SLC45A2: variants seen among roughly 807,000 people sequenced by gnomAD.
SLC45A2 encodes solute carrier family 45 member 2.
Under a neutral mutation model 45.5 loss-of-function variants are expected in SLC45A2, and 36 were observed. The observed-to-expected ratio is 0.79, with a 90% CI of 0.61 to 1.04. The LOEUF is 1.04. Among genes scored for constraint, SLC45A2 ranks in the 50% least tolerant of loss-of-function variants. The pLI is 0.00. For synonymous variants in SLC45A2, 306 were observed against 269.3 expected (o/e 1.14, Z -1.33); for missense variants, 719 against 671.0 (o/e 1.07, Z -0.79).
chr5:33,981,496 C>A (rs1232095058), intron 2 of SLC45A2, among the ~76,000 whole-genome samples: 1 of 152,170 alleles, frequency 6.6e-6, no homozygotes, highest in Admixed American at 6.5e-5. Context: ...TATAAAAATC[C>A]TCTTGGGCCA....
intron 3 of SLC45A2, among the ~76,000 whole-genome samples, chr5:33,961,369 G>A (rs1232502631): frequency 1.3e-5 from 2 of 152,156 alleles, no homozygotes; most frequent in African/African-American, 4.8e-5. Context: ...TCCAAAATGT[G>A]TCTCCAATTT....
intron 2 of SLC45A2, among the ~76,000 whole-genome samples, chr5:33,975,263 GA>G (rs1436604425): frequency 5.9e-5 from 9 of 152,194 alleles, no homozygotes; most frequent in African/African-American, 1.7e-4. Flanking sequence ...TTAAAACCAT[GA>G]ATTATAAACA....
At chr5:33,955,484 T>C (rs1752246404) in intron 3 of SLC45A2, among the ~76,000 whole-genome samples, 1 of 152,188 alleles carries the variant, frequency 6.6e-6, no homozygotes. Context: ...TTTTTATTCA[T>C]TAGAACATTA....
In SLC45A2 at chr5:33,951,592, C is replaced by G; in HGVS notation, c.1118G>C (p.Gly373Ala). ...GGAAAACACGGAGTTGATGCACAAG[C>G]CCCAACATCCAACCTCGACTCCTCT... ...YERGVEVGCW[G>A]LCINSVFSSL... is the part of the protein sequence containing the mutation. The change falls in exon 5 of 7, where the codon GGC (glycine) becomes GCC (alanine). Residue 373 changes from glycine to alanine, a missense_variant. Gly to Ala is a moderately conservative substitution (Grantham distance 60). Transcript: ENST00000296589. The G allele has an allele frequency of 6.2e-7, 1 of 1,614,072 alleles. No individual in the cohort carries two copies. The highest frequency in any genetic ancestry group is 8.5e-7 in the Non-Finnish European group (1 of 1,179,958).
At chr5:33,946,489 T>C in intron 6 of SLC45A2, 1 of 985,630 alleles carries the variant, frequency 1.0e-6, no homozygotes, top group Non-Finnish European at 1.2e-6. Flanking sequence ...CAAATTTTGA[T>C]AAGAAGAGGT....
chr5:33,956,731 T>G (rs749346801), intron 3 of SLC45A2, among the ~76,000 whole-genome samples: 1 of 152,100 alleles, frequency 6.6e-6, no homozygotes, highest in Non-Finnish European at 1.5e-5. Flanking sequence ...TGTTTCCTAA[T>G]CTTAAAAAAT....
chr5:33,977,532 T>C (rs778090545), intron 2 of SLC45A2, among the ~76,000 whole-genome samples: 5 of 152,040 alleles, frequency 3.3e-5, no homozygotes, highest in Non-Finnish European at 5.9e-5. Context: ...TCCTAGAAAA[T>C]GAGTGAGCAT....
At chr5:33,950,968 T>C (rs991703874) in intron 5 of SLC45A2, among the ~76,000 whole-genome samples, 1 of 152,164 alleles carries the variant, frequency 6.6e-6, no homozygotes, top group African/African-American at 2.4e-5. Context: ...ATAAAGACAA[T>C]AGCAGAAATC....
intron 5 of SLC45A2, 168 bp downstream of exon 5, chr5:33,951,386 A>G (rs940951679): frequency 6.3e-5 from 96 of 1,522,482 alleles, no homozygotes; most frequent in Non-Finnish European, 8.1e-5. Context: ...TGATGAAAAA[A>G]GGATGCTTTA....
intron 2 of SLC45A2, among the ~76,000 whole-genome samples, chr5:33,968,609 A>T (rs774162900): frequency 3.3e-5 from 5 of 151,918 alleles, no homozygotes; most frequent in Non-Finnish European, 7.3e-5. Context: ...GAAGAAGTCC[A>T]AATATATAGA....
chr5:33,952,897 T>G (rs1188435927), intron 4 of SLC45A2, among the ~76,000 whole-genome samples: 4 of 103,540 alleles, frequency 3.9e-5, no homozygotes, highest in Non-Finnish European at 7.7e-5. Flanking sequence ...CCTGTGTCCA[T>G]GTGATCTCAT....
chr5:33,956,553 C>T (rs573981479), intron 3 of SLC45A2, among the ~76,000 whole-genome samples: 2 of 152,260 alleles, frequency 1.3e-5, no homozygotes, highest in Admixed American at 1.3e-4. Context: ...AGAAAGTTAG[C>T]CAAAGCTTTA....
intron 2 of SLC45A2, among the ~76,000 whole-genome samples, chr5:33,980,487 A>G (rs1279348640): frequency 6.6e-6 from 1 of 152,234 alleles, no homozygotes; most frequent in Non-Finnish European, 1.5e-5. Context: ...CACCACTTCC[A>G]CATGGCCATT....
chr5:33,982,280 T>G lies in SLC45A2; in HGVS notation c.518A>C (p.His173Pro), dbSNP rs1753100425. ...IKAYLFDVCSHQDKEKGLHYH... is the reference protein window; with the variant it reads ...IKAYLFDVCSPQDKEKGLHYH... ...GTGGAGGCCCTTCTCCTTGTCCTGA[T>G]GGGAGCAGACATCAAATAAGTAGGC... is the stretch of plus-strand genomic sequence containing the variant. Residue 173 changes from histidine to proline, a missense_variant, in exon 2 of 7, where the codon CAT becomes CCT. Physicochemically the swap from His to Pro is moderately conservative, Grantham distance 77. Coordinates refer to ENST00000296589, the MANE Select transcript of SLC45A2 (RefSeq NM_016180.5). The G allele has an allele frequency of 6.2e-7, 1 of 1,613,982 alleles. No individual in the cohort carries two copies. Among genetic ancestry groups the G allele is most frequent in the African/African-American group, 1.3e-5 (1 of 74,900 alleles).
intron 5 of SLC45A2, among the ~76,000 whole-genome samples, chr5:33,950,939 C>T (rs1192337966): frequency 1.3e-5 from 2 of 152,202 alleles, no homozygotes; most frequent in Non-Finnish European, 2.9e-5. Context: ...GGAGTTATAG[C>T]ACAGCCACCT....
intron 2 of SLC45A2, among the ~76,000 whole-genome samples, chr5:33,975,087 T>C (rs1277259638): frequency 1.3e-5 from 2 of 151,826 alleles, no homozygotes; most frequent in African/African-American, 4.9e-5. Context: ...GTTTTTCTAG[T>C]TGGGGAAAGA....
At position 33,963,894 on chromosome 5, in the gene SLC45A2, A is replaced by T. The variant is rs1361877021; in HGVS notation, c.685T>A (p.Cys229Ser). The change falls in exon 3 of 7, where the codon TGT (cysteine) becomes AGT (serine). Residue 229 changes from cysteine to serine, a missense_variant. Physicochemically the swap from Cys to Ser is moderately radical, Grantham distance 112 (BLOSUM62 -1). Coordinates refer to ENST00000296589, the MANE Select transcript of SLC45A2 (RefSeq NM_016180.5). ...FFFSALVLTL[C>S]FTVHLCSISE... Reference sequence around the variant, plus strand: ...ATACTGCACAGATGAACAGTAAAACACAAAGTGAGCACCAATGCAGAGAAG... The same window carrying T: ...ATACTGCACAGATGAACAGTAAAACTCAAAGTGAGCACCAATGCAGAGAAG... 1 of 1,614,190 alleles carries T rather than the reference A, an allele frequency of 6.2e-7. No individual in the cohort carries two copies. The highest frequency in any genetic ancestry group is 1.7e-5 in the Admixed American group (1 of 60,026).
chr5:33,963,595 CT>C (rs1339723355), intron 3 of SLC45A2, 95 bp downstream of exon 3: 3 of 1,420,670 alleles, frequency 2.1e-6, no homozygotes, highest in African/African-American at 1.4e-5. Flanking sequence ...TGAAACTCTT[CT>C]CGTCAAACAG....
At chr5:33,966,413 G>C (rs547385226) in intron 2 of SLC45A2, among the ~76,000 whole-genome samples, 21 of 151,444 alleles carry the variant, frequency 1.4e-4, no homozygotes, top group African/African-American at 5.1e-4. Flanking sequence ...GCACATAATG[G>C]GAGAAGCTAC....
Sources: allele counts gnomAD v4.1 joint callset (sites outside exome capture counted in the v4.1 genomes callset), GRCh38; gene constraint gnomAD v4.1.1; transcripts MANE v1.5; gene names NCBI Gene and HGNC (gene_info 2026-07-23, HGNC 2026-07-21).